PLPP1: variants seen among roughly 807,000 people sequenced by gnomAD.
PLPP1 encodes the protein lipid phosphate phosphohydrolase 1a.
In PLPP1, 24 loss-of-function variants were observed where a neutral mutation model predicts 31.2. The observed-to-expected ratio is 0.77, with a 90% CI of 0.56 to 1.08. PLPP1 has a LOEUF of 1.08. Among genes scored for constraint, PLPP1 ranks in the 50% least tolerant of loss-of-function variants. PLPP1 has a pLI of 0.00. For synonymous variants in PLPP1, 146 were observed against 126.3 expected (o/e 1.16, Z -1.05); for missense variants, 319 against 342.7 (o/e 0.93, Z 0.55).
At chr5:55,505,852 T>A (rs2111894962) in intron 1 of PLPP1, among the ~76,000 whole-genome samples, 1 of 152,268 alleles carries the variant, frequency 6.6e-6, no homozygotes, top group East Asian at 1.9e-4. Context: ...AGGTCAGGTG[T>A]TCAAGACCAG....
intron 1 of PLPP1, among the ~76,000 whole-genome samples, chr5:55,523,500 C>A (rs1486448045): frequency 6.6e-6 from 1 of 152,132 alleles, no homozygotes; most frequent in African/African-American, 2.4e-5. Context: ...GGTGAGTTTC[C>A]CAACTTTCCC....
intron 1 of PLPP1, among the ~76,000 whole-genome samples, chr5:55,515,933 C>T (rs1753546710): frequency 6.6e-6 from 1 of 152,164 alleles, no homozygotes; most frequent in African/African-American, 2.4e-5. Context: ...CAAACAAGAA[C>T]TTGGTACTTC....
At chr5:55,437,883 A>G (rs1430195737) in intron 4 of PLPP1, among the ~76,000 whole-genome samples, 1 of 152,250 alleles carries the variant, frequency 6.6e-6, no homozygotes, top group Admixed American at 6.5e-5. Flanking sequence ...ACGAAGTATC[A>G]ACAATGCTAG....
intron 1 of PLPP1, among the ~76,000 whole-genome samples, chr5:55,508,012 C>T (rs1753321064): frequency 6.6e-6 from 1 of 152,150 alleles, no homozygotes; most frequent in East Asian, 1.9e-4. Flanking sequence ...CATGTGCCAC[C>T]ATGCCTGGCT....
intron 4 of PLPP1, among the ~76,000 whole-genome samples, chr5:55,428,573 A>T (rs1751266170): frequency 1.3e-5 from 2 of 152,210 alleles, no homozygotes; most frequent in Admixed American, 6.5e-5. Context: ...ATTCTGGGCA[A>T]AGCAAACACT....
At chr5:55,489,338 T>C (rs1438222497) in intron 1 of PLPP1, among the ~76,000 whole-genome samples, 1 of 152,196 alleles carries the variant, frequency 6.6e-6, no homozygotes, top group African/African-American at 2.4e-5. Flanking sequence ...CACAACTACT[T>C]AGTACTTCAT....
At chr5:55,452,633 A>C (rs1751917119) in intron 3 of PLPP1, among the ~76,000 whole-genome samples, 1 of 152,178 alleles carries the variant, frequency 6.6e-6, no homozygotes, top group Admixed American at 6.5e-5. Flanking sequence ...GGTAATTATT[A>C]CTTAAGAGTC....
chr5:55,488,298 G>A (rs1752816333), intron 1 of PLPP1, among the ~76,000 whole-genome samples: 1 of 150,986 alleles, frequency 6.6e-6, no homozygotes, highest in South Asian at 2.1e-4. Context: ...ATAAAGATAA[G>A]TAAAAAAACA....
chr5:55,520,987 G>T (rs1753652526), intron 1 of PLPP1, among the ~76,000 whole-genome samples: 1 of 152,100 alleles, frequency 6.6e-6, no homozygotes, highest in Non-Finnish European at 1.5e-5. Context: ...TGACGCAGTA[G>T]GATCACTTGA....
chr5:55,472,674 AAG>A (rs1006674910), intron 2 of PLPP1, among the ~76,000 whole-genome samples: 28 of 150,504 alleles, frequency 1.9e-4, no homozygotes, highest in African/African-American at 5.9e-4. Context: ...GAGAGACAGA[AAG>A]AGAGAGATAA....
intron 1 of PLPP1, chr5:55,490,943 C>A: frequency 6.2e-7 from 1 of 1,601,148 alleles, no homozygotes; most frequent in East Asian, 2.2e-5. Context: ...TCACTACCTA[C>A]TTATTAATTT....
chr5:55,463,226 C>G (rs1028350921), intron 3 of PLPP1, among the ~76,000 whole-genome samples: 2 of 151,986 alleles, frequency 1.3e-5, no homozygotes, highest in Non-Finnish European at 2.9e-5. Context: ...AGGACAAACA[C>G]CTAATGCATG....
At chr5:55,442,054 T>A (rs1197997732) in intron 3 of PLPP1, 146 bp from the exon 4 acceptor site, 13 of 720,726 alleles carry the variant, frequency 1.8e-5, no homozygotes, top group Admixed American at 9.0e-5. Flanking sequence ...AGGGGGACAA[T>A]TAGGACATGA....
At position 55,501,535 on chromosome 5, in the gene PLPP1, G is replaced by A. The variant is rs544986918; in HGVS notation, c.59-26085C>T. 2.8e-3 allele frequency among the ~76,000 whole-genome samples: 431 copies of A among 152,038 alleles called. 2 individuals are homozygous for A. Among genetic ancestry groups the A allele is most frequent in the Middle Eastern group, 0.01 (3 of 292 alleles). Reference sequence around the variant, plus strand: ...TATTTATTTTTTGAGACAGAGTTTCGCTTTTGTTGCCCAGGCTGGAGTGCA... The same window carrying A: ...TATTTATTTTTTGAGACAGAGTTTCACTTTTGTTGCCCAGGCTGGAGTGCA... On this transcript the variant is annotated intron_variant, in intron 1 of 5. Coordinates refer to ENST00000307259, the MANE Select transcript of PLPP1 (RefSeq NM_003711.4).
At chr5:55,468,235 G>A in intron 2 of PLPP1, 86 bp from the exon 3 acceptor site, 1 of 1,215,660 alleles carries the variant, frequency 8.2e-7, no homozygotes, top group South Asian at 1.5e-5. Flanking sequence ...AAAGGAAATG[G>A]TAAATCGCAA....
chr5:55,474,808 A>G (rs879801637), intron 2 of PLPP1, among the ~76,000 whole-genome samples: 1 of 152,234 alleles, frequency 6.6e-6, no homozygotes, highest in Non-Finnish European at 1.5e-5. Context: ...TCATATTGCT[A>G]TAACATTCAA....
chr5:55,476,480 C>CTCCTTTACTTCACTGAACTTG (rs1752554295), intron 1 of PLPP1, among the ~76,000 whole-genome samples: 1 of 152,134 alleles, frequency 6.6e-6, no homozygotes, highest in South Asian at 2.1e-4. Flanking sequence ...GAATTCAATT[C>CTCCTTTACTTCACTGAACTTG]TCCTTTACTT....
At chr5:55,486,268 A>T (rs1466807708) in intron 1 of PLPP1, among the ~76,000 whole-genome samples, 1 of 152,096 alleles carries the variant, frequency 6.6e-6, no homozygotes, top group Non-Finnish European at 1.5e-5. Flanking sequence ...TGAGGTAGTC[A>T]TCTGTTTTTC....
At chr5:55,455,357 C>T (rs1206563477) in intron 3 of PLPP1, among the ~76,000 whole-genome samples, 3 of 152,134 alleles carry the variant, frequency 2.0e-5, no homozygotes, top group Non-Finnish European at 4.4e-5. Flanking sequence ...TGTAGGACAC[C>T]GAGGCAGGCA....
Sources: gnomAD v4.1 joint callset for allele counts (sites outside exome capture counted in the v4.1 genomes callset) on GRCh38, gnomAD v4.1.1 for gene constraint, MANE v1.5 for transcripts, NCBI Gene and HGNC (gene_info 2026-07-23, HGNC 2026-07-21) for gene names.